Variants in MTMR7 observed in about 807,000 individuals in gnomAD.
The protein encoded by MTMR7 is phosphatidylinositol-3-phosphate phosphatase MTMR7.
A neutral mutation model predicts 81.2 loss-of-function variants in MTMR7; 76 were observed. The ratio of observed to expected loss-of-function variants is 0.94; its 90% CI spans 0.78 to 1.13. MTMR7 has a LOEUF of 1.13. MTMR7 is among the 50% of genes most tolerant of loss of function. MTMR7 has a pLI of 0.00. For missense variants in MTMR7, 1,044 were observed against 820.0 expected (o/e 1.27, Z -3.34); for synonymous variants, 372 against 289.8 (o/e 1.28, Z -2.88).
intron 1 of MTMR7, among the ~76,000 whole-genome samples, chr8:17,386,830 C>A (rs1239296878): frequency 1.3e-5 from 2 of 152,196 alleles, no homozygotes; most frequent in Admixed American, 1.3e-4. Flanking sequence ...CAGTACGCCA[C>A]ACACCAAAAA....
intron 1 of MTMR7, among the ~76,000 whole-genome samples, chr8:17,387,587 G>T (rs1433679994): frequency 5.9e-5 from 9 of 152,180 alleles, no homozygotes; most frequent in African/African-American, 1.4e-4. Flanking sequence ...GTATATCGGT[G>T]TCCCAAGTGA....
At chr8:17,405,863 C>G (rs956431929) in intron 1 of MTMR7, among the ~76,000 whole-genome samples, 1 of 94,206 alleles carries the variant, frequency 1.1e-5, no homozygotes, top group East Asian at 4.3e-4. Flanking sequence ...CACACACACA[C>G]ACACACACAC....
intron 7 of MTMR7, among the ~76,000 whole-genome samples, chr8:17,325,282 G>A (rs1818625469): frequency 1.3e-5 from 2 of 152,214 alleles, no homozygotes; most frequent in South Asian, 2.1e-4. Flanking sequence ...TACCCACCAC[G>A]ATGGTGCCTC....
chr8:17,407,862 G>C (rs1821632318), intron 1 of MTMR7, among the ~76,000 whole-genome samples: 3 of 152,298 alleles, frequency 2.0e-5, no homozygotes, highest in Non-Finnish European at 2.9e-5. Context: ...ATAACCCTTG[G>C]AGCTGACAGT....
intron 1 of MTMR7, among the ~76,000 whole-genome samples, chr8:17,385,692 T>A (rs1213147500): frequency 6.6e-6 from 1 of 152,134 alleles, no homozygotes; most frequent in Non-Finnish European, 1.5e-5. Flanking sequence ...TCTCAGGAGA[T>A]GTGGTTGTTT....
chr8:17,302,707 C>A (rs1180422052), intron 12 of MTMR7, among the ~76,000 whole-genome samples: 3 of 54,640 alleles, frequency 5.5e-5, no homozygotes, highest in African/African-American at 8.9e-5. Flanking sequence ...GCAATAACCC[C>A]CCCCCCCCCG....
In MTMR7 at chr8:17,303,728, G is replaced by A. The variant is rs150653375; in HGVS notation, c.1493+651C>T. 8.6e-3 allele frequency among the ~76,000 whole-genome samples: 1,305 copies of A among 151,848 alleles called. 12 individuals are homozygous for A. Among genetic ancestry groups the A allele is most frequent in the South Asian group, 0.017 (80 of 4,808 alleles). ...TGGTTCAAGTGATTCTCCTGTCTCA[G>A]CCTCCCGAGTAGCTAGGATTACAGG... On this transcript the variant is annotated intron_variant, in intron 12 of 13. Coordinates refer to ENST00000180173, the MANE Select transcript of MTMR7 (RefSeq NM_004686.5).
intron 7 of MTMR7, among the ~76,000 whole-genome samples, chr8:17,315,779 A>T (rs1563325804): frequency 6.6e-6 from 1 of 152,214 alleles, no homozygotes; most frequent in Non-Finnish European, 1.5e-5. Flanking sequence ...TGAGAGGCCA[A>T]GTCAGAAGGA....
chr8:17,383,007 C>T (rs749949263), intron 1 of MTMR7, among the ~76,000 whole-genome samples: 18 of 150,618 alleles, frequency 1.2e-4, no homozygotes, highest in Admixed American at 3.9e-4. Context: ...TTGAGAGCGG[C>T]TGGTGTTCCT....
chr8:17,302,423 G>A, intron 12 of MTMR7, 143 bp from the exon 13 acceptor site: 1 of 837,234 alleles, frequency 1.2e-6, no homozygotes, highest in Non-Finnish European at 1.8e-6. Context: ...CACTACTTAA[G>A]GTAATAATTT....
chr8:17,365,535 C>A (rs1820198724), intron 3 of MTMR7, among the ~76,000 whole-genome samples: 1 of 152,128 alleles, frequency 6.6e-6, no homozygotes, highest in African/African-American at 2.4e-5. Context: ...CAGTCTAAGC[C>A]AGCATATCCA....
chr8:17,387,585 G>C (rs1820984072), intron 1 of MTMR7, among the ~76,000 whole-genome samples: 1 of 152,176 alleles, frequency 6.6e-6, no homozygotes, highest in Non-Finnish European at 1.5e-5. Context: ...TAGTATATCG[G>C]TGTCCCAAGT....
chr8:17,336,020 T>C (rs1819225786), intron 6 of MTMR7, among the ~76,000 whole-genome samples: 1 of 152,164 alleles, frequency 6.6e-6, no homozygotes, highest in Non-Finnish European at 1.5e-5. Context: ...TAAATTTCTC[T>C]TTGGAAAGCT....
chr8:17,396,398 T>A (rs913998761), intron 1 of MTMR7, among the ~76,000 whole-genome samples: 12 of 152,202 alleles, frequency 7.9e-5, no homozygotes, highest in African/African-American at 2.2e-4. Context: ...AGTTCACAGA[T>A]TCTTTCTCCT....
At chr8:17,352,098 A>C (rs1395145399) in intron 4 of MTMR7, among the ~76,000 whole-genome samples, 1 of 152,224 alleles carries the variant, frequency 6.6e-6, no homozygotes, top group Admixed American at 6.5e-5. Flanking sequence ...ATTCATCCTA[A>C]AATTTACATG....
Position 17,298,927 on chromosome 8 carries a change from C to G in MTMR7, c.*935G>C, listed in dbSNP as rs1816917418. ...ATTTCTAAAATGATAGATTACAAAA[C>G]CTATTCCCTTCATTAAACAGACATG... is the stretch of plus-strand genomic sequence containing the variant. On this transcript the variant is annotated 3_prime_UTR_variant, in exon 14 of 14. Transcript: ENST00000180173. 1 of 152,158 alleles carries G rather than the reference C, an allele frequency of 6.6e-6. No individual in the cohort carries two copies. The allele number at this position is 152,158 out of a possible 1,614,324, so 9.4% of individuals were successfully genotyped here. A position where few individuals can be genotyped will look rare whatever the true frequency, so the allele number is the denominator to read the frequency against.
At chr8:17,351,174 G>A (rs1367315604) in intron 4 of MTMR7, among the ~76,000 whole-genome samples, 1 of 152,226 alleles carries the variant, frequency 6.6e-6, no homozygotes, top group African/African-American at 2.4e-5. Flanking sequence ...TAGGTTTTCA[G>A]CAAGTTGGGA....
chr8:17,318,542 G>A (rs1219390051), intron 7 of MTMR7, among the ~76,000 whole-genome samples: 1 of 152,146 alleles, frequency 6.6e-6, no homozygotes, highest in African/African-American at 2.4e-5. Context: ...TTCCCGATGG[G>A]TCTGGACTCG....
chr8:17,353,618 G>C (rs570290993), intron 4 of MTMR7, among the ~76,000 whole-genome samples: 3 of 152,126 alleles, frequency 2.0e-5, no homozygotes, highest in Admixed American at 2.0e-4. Context: ...ATTTTGTCTG[G>C]TTTGGAAAAC....
Sources: gnomAD v4.1 joint callset for allele counts (sites outside exome capture counted in the v4.1 genomes callset) on GRCh38, gnomAD v4.1.1 for gene constraint, MANE v1.5 for transcripts, NCBI Gene and HGNC (gene_info 2026-07-23, HGNC 2026-07-21) for gene names.